TRPC4AP: variants seen among roughly 807,000 people sequenced by gnomAD.
TRPC4AP encodes short transient receptor potential channel 4-associated protein.
TRPC4AP carries 45 observed loss-of-function variants against 99.0 expected under a neutral mutation model. The ratio of observed to expected loss-of-function variants is 0.45; its 90% CI spans 0.36 to 0.58. TRPC4AP has a LOEUF of 0.58. TRPC4AP is among the 20% of genes least tolerant of loss of function. The pLI is 0.00. For synonymous variants in TRPC4AP, 408 were observed against 385.8 expected, an observed-to-expected ratio of 1.06 and a Z score of -0.67; for missense variants, 879 against 985.3, an observed-to-expected ratio of 0.89 and a Z score of 1.44.
At chr20:35,024,580 T>C (rs1053653720) in intron 8 of TRPC4AP, among the ~76,000 whole-genome samples, 2 of 152,088 alleles carry the variant, frequency 1.3e-5, no homozygotes, top group African/African-American at 2.4e-5. Context: ...TTCCGGCACT[T>C]TGGAAGACCA....
intron 2 of TRPC4AP, among the ~76,000 whole-genome samples, chr20:35,076,932 G>A (rs534879359): frequency 2.6e-5 from 4 of 152,266 alleles, no homozygotes; most frequent in Admixed American, 6.5e-5. Context: ...CTTCCCGGCC[G>A]CTTTGTTTAC....
At chr20:35,005,906 C>A (rs2082506309) in intron 15 of TRPC4AP, 103 bp from the exon 16 acceptor site, 1 of 951,342 alleles carries the variant, frequency 1.1e-6, no homozygotes, top group South Asian at 1.5e-5. Flanking sequence ...CCTCTACCAG[C>A]CCCACTGCTT....
At chr20:35,006,223 C>T (rs192285673) in intron 15 of TRPC4AP, among the ~76,000 whole-genome samples, 31 of 152,232 alleles carry the variant, frequency 2.0e-4, no homozygotes, top group Non-Finnish European at 2.9e-5. Flanking sequence ...CCCTCACTCC[C>T]TACCCACAAG....
intron 1 of TRPC4AP, among the ~76,000 whole-genome samples, chr20:35,085,831 A>G (rs913130436): frequency 4.6e-5 from 7 of 152,270 alleles, no homozygotes; most frequent in African/African-American, 1.7e-4. Flanking sequence ...ACATTTCTAG[A>G]CATTTACAGT....
At chr20:35,076,197 G>A (rs1158607362) in intron 2 of TRPC4AP, among the ~76,000 whole-genome samples, 1 of 152,020 alleles carries the variant, frequency 6.6e-6, no homozygotes, top group African/African-American at 2.4e-5. Flanking sequence ...TTTATGATGG[G>A]TTCAAACATC....
At chr20:35,015,859 AG>A (rs1397163261) in intron 10 of TRPC4AP, 148 bp downstream of exon 10, 1 of 969,316 alleles carries the variant, frequency 1.0e-6, no homozygotes, top group Non-Finnish European at 1.5e-6. Context: ...TCCTACTCCA[AG>A]GTAGCTTCCA....
chr20:35,060,554 T>C (rs1569132978), intron 3 of TRPC4AP, among the ~76,000 whole-genome samples: 1 of 128,762 alleles, frequency 7.8e-6, no homozygotes, highest in Non-Finnish European at 1.5e-5. Flanking sequence ...ACCACTGCAT[T>C]CCAGCCTGGG....
At chr20:35,055,695 C>T (rs1358595082) in intron 4 of TRPC4AP, among the ~76,000 whole-genome samples, 1 of 152,226 alleles carries the variant, frequency 6.6e-6, no homozygotes, top group Non-Finnish European at 1.5e-5. Flanking sequence ...ATAAGCATCT[C>T]AATTGCTCTT....
At chr20:35,057,386 T>C in intron 4 of TRPC4AP, 128 bp downstream of exon 4, 2 of 715,110 alleles carry the variant, frequency 2.8e-6, no homozygotes, top group Non-Finnish European at 4.8e-6. Flanking sequence ...GAGAGCAACC[T>C]GTAGCTAAAT....
Position 35,026,452 on chromosome 20 carries a change from G to C in TRPC4AP, c.1052-5096C>G, listed in dbSNP as rs557074443. 3.3e-5 allele frequency among the ~76,000 whole-genome samples: 5 copies of C among 152,274 alleles called. No homozygotes were observed. The South Asian group carries it at 1.0e-3, about 32-fold the overall frequency. On this transcript the variant is annotated intron_variant, in intron 8 of 18. Transcript: ENST00000252015. ...GCTGGCCTCAAACTCCTGAGGCCAAGTGATCTTCCTGCCTCAGCCTCCCAA... is the reference window on the plus strand; with the variant it reads ...GCTGGCCTCAAACTCCTGAGGCCAACTGATCTTCCTGCCTCAGCCTCCCAA...
At chr20:35,015,882 A>G (rs1281329790) in intron 10 of TRPC4AP, 126 bp downstream of exon 10, 8 of 1,235,270 alleles carry the variant, frequency 6.5e-6, no homozygotes, top group Admixed American at 4.9e-5. Context: ...TTAGGGGACT[A>G]TAAGATATGA....
intron 4 of TRPC4AP, 71 bp downstream of exon 4, chr20:35,057,443 G>T: frequency 8.1e-7 from 1 of 1,237,330 alleles, no homozygotes; most frequent in South Asian, 1.3e-5. Context: ...AAGGAAGAAG[G>T]CAGCTGCTGG....
chr20:35,003,187 C>T lies in TRPC4AP; in HGVS notation c.2353G>A (p.Glu785Lys), dbSNP rs2082429847. 1 of 1,614,110 alleles carries T rather than the reference C, an allele frequency of 6.2e-7. No homozygotes were observed. Among genetic ancestry groups the T allele is most frequent in the African/African-American group, 1.3e-5 (1 of 74,946 alleles). ...SPSALVSYIE[E>K]PYMDIDRDFT... ...TCCCTGTCTATGTCCATGTAGGGCT[C>T]CTCAATGTAGCTAACGAGAGCAGAG... The change falls in exon 19 of 19, where the codon GAG becomes AAG. Residue 785 changes from glutamate (E) to lysine (K), a missense_variant. Glu to Lys is a moderately conservative substitution (Grantham distance 56). This residue lies in a region of TRPC4AP where 224 missense variants were observed against 264.7 expected (regional missense o/e 0.85). Transcript: ENST00000252015.
intron 8 of TRPC4AP, among the ~76,000 whole-genome samples, chr20:35,026,222 G>GTT (rs35794517): frequency 0.014 from 2,104 of 146,942 alleles, 34 homozygotes; most frequent in African/African-American, 0.046. Flanking sequence ...GTCTTAGGTT[G>GTT]TTTTTTTTTT....
At chr20:35,068,714 G>T (rs2084210018) in intron 3 of TRPC4AP, among the ~76,000 whole-genome samples, 1 of 151,930 alleles carries the variant, frequency 6.6e-6, no homozygotes, top group Admixed American at 6.6e-5. Flanking sequence ...TAGAGACAGG[G>T]TTTCACCATC....
intron 9 of TRPC4AP, among the ~76,000 whole-genome samples, chr20:35,017,255 T>C (rs2082775768): frequency 6.6e-6 from 1 of 152,190 alleles, no homozygotes; most frequent in African/African-American, 2.4e-5. Context: ...AGTGTGCTCA[T>C]GCTGTATTAC....
chr20:35,005,609 T>C, intron 16 of TRPC4AP, 86 bp downstream of exon 16: 3 of 1,319,602 alleles, frequency 2.3e-6, no homozygotes, highest in Non-Finnish European at 3.2e-6. Context: ...CCCTCAGTCA[T>C]TCTTGTCTCC....
intron 7 of TRPC4AP, among the ~76,000 whole-genome samples, chr20:35,038,278 A>AC (rs112021223): frequency 1.3e-5 from 2 of 148,336 alleles, no homozygotes; most frequent in South Asian, 4.3e-4. Flanking sequence ...TTGAGACACC[A>AC]TTTTTTTTTT....
At chr20:35,078,263 A>T in intron 1 of TRPC4AP, 89 bp from the exon 2 acceptor site, 1 of 1,398,248 alleles carries the variant, frequency 7.2e-7, no homozygotes, top group East Asian at 2.4e-5. Context: ...TTCCAAACCC[A>T]CCCAGGACAG....
Sources: gnomAD v4.1 joint callset for allele counts (sites outside exome capture counted in the v4.1 genomes callset) on GRCh38, gnomAD v4.1.1 for gene constraint, gnomAD v4.1.1 regional missense constraint, MANE v1.5 for transcripts, NCBI Gene and HGNC (gene_info 2026-07-23, HGNC 2026-07-21) for gene names.